The following PIK3C2G variants were observed in gnomAD, a reference collection of about 807,000 sequenced individuals.
PIK3C2G encodes the protein phosphatidylinositol-4-phosphate 3-kinase catalytic subunit type 2 gamma.
PIK3C2G carries 168 observed loss-of-function variants against 181.1 expected under a neutral mutation model. The ratio of observed to expected loss-of-function variants is 0.93; its 90% confidence interval spans 0.82 to 1.05. The LOEUF is 1.05. Among genes scored for constraint, PIK3C2G ranks in the 50% least tolerant of loss-of-function variants. The probability of loss-of-function intolerance (pLI) is 0.00; values close to 1 mark genes in which losing one functional copy is unlikely to be tolerated. For missense variants in PIK3C2G, 1,869 were observed against 1,732.8 expected (o/e 1.08, Z -1.40); for synonymous variants, 573 against 592.2 (o/e 0.97, Z 0.47).
At chr12:18,590,864 C>T (rs768774614) in intron 29 of PIK3C2G, among the ~76,000 whole-genome samples, 18 of 151,948 alleles carry the variant, frequency 1.2e-4, no homozygotes, top group Non-Finnish European at 1.9e-4. Flanking sequence ...GTCATCCACA[C>T]CCAGAATTAT....
At chr12:18,244,411 T>C (rs927419039), upstream of PIK3C2G, among the ~76,000 whole-genome samples, 23 of 152,014 alleles carry the variant, frequency 1.5e-4, no homozygotes, top group Admixed American at 1.5e-3. Context: ...GGGTTCTTGA[T>C]AAATTGCTTA....
chr12:18,472,935 G>A lies in PIK3C2G; in HGVS notation c.2505-15514G>A, dbSNP rs557309187. Among the ~76,000 whole-genome samples the A allele has an allele frequency of 3.1e-3, 466 of 152,146 alleles. 4 individuals are homozygous for A. Among genetic ancestry groups the A allele is most frequent in the Non-Finnish European group, 5.3e-3 (358 of 67,980 alleles). ...GGCTGGTCACAAACTCCTGACCTCT[G>A]GTAATCCACCCACCTCACCTTCCAA... is the stretch of plus-strand genomic sequence containing the variant. On this transcript the variant is annotated intron_variant, in intron 18 of 32. Coordinates refer to ENST00000538779, the MANE Select transcript of PIK3C2G (RefSeq NM_001288772.2).
At chr12:18,637,078 G>T (rs751241374) in intron 31 of PIK3C2G, among the ~76,000 whole-genome samples, 1 of 152,158 alleles carries the variant, frequency 6.6e-6, no homozygotes, top group Non-Finnish European at 1.5e-5. Context: ...CCCCTACTCT[G>T]ACTGGTGGTC....
At chr12:18,391,293 T>C in intron 15 of PIK3C2G, 41 bp downstream of exon 15, 1 of 1,471,434 alleles carries the variant, frequency 6.8e-7, no homozygotes. Context: ...TTGCCTGCTG[T>C]TTATGATTTC....
chr12:18,291,997 T>C (rs1949708987), intron 4 of PIK3C2G, among the ~76,000 whole-genome samples: 1 of 150,054 alleles, frequency 6.7e-6, no homozygotes. Flanking sequence ...TCACCTGAGG[T>C]GGGGAGTTCG....
the PIK3C2G span, among the ~76,000 whole-genome samples, chr12:18,726,035 C>T: frequency 6.6e-6 from 1 of 151,994 alleles, no homozygotes; most frequent in African/African-American, 2.4e-5. Context: ...TCATTTGTTT[C>T]TTGTATCCTC....
At chr12:18,313,184 A>G (rs1263968052) in intron 5 of PIK3C2G, among the ~76,000 whole-genome samples, 1 of 152,188 alleles carries the variant, frequency 6.6e-6, no homozygotes, top group African/African-American at 2.4e-5. Flanking sequence ...ATTTCACAGA[A>G]GAATCAAATT....
intron 1 of PIK3C2G, among the ~76,000 whole-genome samples, chr12:18,268,959 G>T (rs888737511): frequency 1.3e-5 from 2 of 151,754 alleles, no homozygotes; most frequent in Admixed American, 6.6e-5. Flanking sequence ...CTGTCACTCA[G>T]GCTGGAGTGC....
intron 31 of PIK3C2G, among the ~76,000 whole-genome samples, chr12:18,618,367 G>C (rs576187428): frequency 4.6e-5 from 7 of 152,122 alleles, no homozygotes; most frequent in Non-Finnish European, 1.0e-4. Flanking sequence ...AGCTGCTATT[G>C]AGCAGGACAG....
At chr12:18,518,069 A>G (rs1389264251) in intron 24 of PIK3C2G, among the ~76,000 whole-genome samples, 1 of 152,168 alleles carries the variant, frequency 6.6e-6, no homozygotes, top group East Asian at 1.9e-4. Context: ...CCAGCCTTGC[A>G]CCCCAGGGAT....
intron 18 of PIK3C2G, among the ~76,000 whole-genome samples, chr12:18,462,026 T>A (rs907666412): frequency 2.0e-5 from 3 of 152,196 alleles, no homozygotes; most frequent in Non-Finnish European, 2.9e-5. Context: ...AGGATGCTTG[T>A]GATGACATTG....
At chr12:18,466,813 A>G (rs1391979193) in intron 18 of PIK3C2G, among the ~76,000 whole-genome samples, 1 of 152,038 alleles carries the variant, frequency 6.6e-6, no homozygotes, top group Non-Finnish European at 1.5e-5. Context: ...AATCACCATT[A>G]CCCTTCTCTA....
intron 24 of PIK3C2G, among the ~76,000 whole-genome samples, chr12:18,525,461 AG>A (rs1943173363): frequency 1.3e-5 from 2 of 152,094 alleles, no homozygotes; most frequent in African/African-American, 4.8e-5. Flanking sequence ...TCTGAGTTTG[AG>A]GCTTGTTGAC....
intron 25 of PIK3C2G, among the ~76,000 whole-genome samples, chr12:18,544,130 G>C (rs1184161247): frequency 6.6e-6 from 1 of 151,780 alleles, no homozygotes; most frequent in African/African-American, 2.4e-5. Flanking sequence ...GAGAGAAAAG[G>C]CAATTCCAGC....
At chr12:18,670,563 A>T in the PIK3C2G span, among the ~76,000 whole-genome samples, 2 of 152,312 alleles carry the variant, frequency 1.3e-5, no homozygotes, top group South Asian at 4.1e-4. Context: ...GATTGATATG[A>T]GGGTTAACTT....
Position 18,401,233 on chromosome 12 carries a change from T to A in PIK3C2G, c.2315+1386T>A, listed in dbSNP as rs570332927. ...TTTTTACAGTAGTTTAACTTTAAAT[T>A]ATAAGCAATTTGAGGATATTATCAT... On this transcript the variant is annotated intron_variant, in intron 16 of 32. Coordinates refer to ENST00000538779, the MANE Select transcript of PIK3C2G (RefSeq NM_001288772.2). Among the ~76,000 whole-genome samples, 225 of 152,266 alleles carry A rather than the reference T, an allele frequency of 1.5e-3. 1 individual carries two copies. The highest frequency in any genetic ancestry group is 5.2e-3 in the African/African-American group (218 of 41,572).
chr12:18,617,435 C>T lies in PIK3C2G; in HGVS notation c.4182+7806C>T, dbSNP rs1268753439. ...ATACCATGTATGCCAAGAACTGTCA[C>T]TTTTATACATGTTTCACCAAAAGAG... On this transcript the variant is annotated intron_variant, in intron 31 of 32. Transcript: ENST00000538779. 3.3e-5 allele frequency among the ~76,000 whole-genome samples: 5 copies of T among 152,086 alleles called. 1 individual carries two copies. The highest frequency in any genetic ancestry group is 9.7e-5 in the African/African-American group (4 of 41,402).
Position 18,566,998 on chromosome 12 carries a change from T to C in PIK3C2G, c.3952T>C (p.Phe1318Leu), listed in dbSNP as rs71539452. ...LPFTNSDHRR[F>L]RDLNHYMEQI... ...TTTTACAAATTCAGATCACAGAAGA[T>C]TCAGAGATCTAAATCATTACATGGA... The change falls in exon 29 of 33, where the codon TTC (phenylalanine) becomes CTC (leucine). Residue 1318 changes from phenylalanine to leucine, a missense_variant. Phe to Leu is a conservative substitution (Grantham distance 22). Transcript: ENST00000538779. 54 of 1,598,808 alleles carry C rather than the reference T, an allele frequency of 3.4e-5. No individual in the cohort carries two copies. The highest frequency in any genetic ancestry group is 1.9e-4 in the African/African-American group (14 of 74,572).
intron 26 of PIK3C2G, among the ~76,000 whole-genome samples, chr12:18,546,882 G>A (rs1944458783): frequency 1.3e-5 from 2 of 151,940 alleles, no homozygotes; most frequent in Non-Finnish European, 2.9e-5. Flanking sequence ...TATTAAACAA[G>A]TCCAGCAAAA....
Sources: allele counts gnomAD v4.1 joint callset (sites outside exome capture counted in the v4.1 genomes callset), GRCh38; gene constraint gnomAD v4.1.1; transcripts MANE v1.5; gene names NCBI Gene and HGNC (gene_info 2026-07-23, HGNC 2026-07-21).